GLIS3: variants seen among roughly 807,000 people sequenced by gnomAD.
GLIS3 encodes the protein GLIS family zinc finger 3, also known as zinc finger protein GLIS3.
Under a neutral mutation model 78.6 loss-of-function variants are expected in GLIS3, and 53 were observed. The ratio of observed to expected loss-of-function variants is 0.67; its 90% CI spans 0.54 to 0.85. The LOEUF (loss-of-function observed/expected upper bound fraction) is 0.85, where lower values mean the gene tolerates loss of function less well. Ranked by LOEUF, GLIS3 falls within the 40% of genes least tolerant of loss-of-function variation. The probability of loss-of-function intolerance (pLI) is 0.00; values close to 1 mark genes in which losing one functional copy is unlikely to be tolerated. For synonymous variants in GLIS3, 684 were observed against 509.9 expected, an observed-to-expected ratio of 1.34 and a Z score of -4.60; for missense variants, 1,703 against 1,231.1, an observed-to-expected ratio of 1.38 and a Z score of -5.74.
chr9:4,004,061 C>T (rs1326273469), intron 4 of GLIS3, among the ~76,000 whole-genome samples: 1 of 152,158 alleles, frequency 6.6e-6, no homozygotes, highest in East Asian at 1.9e-4. Context: ...GTGTTAGAAA[C>T]TGGGGCAAAG....
At chr9:4,354,539 G>A in the GLIS3 span, among the ~76,000 whole-genome samples, 2 of 152,226 alleles carry the variant, frequency 1.3e-5, no homozygotes, top group Non-Finnish European at 2.9e-5. Flanking sequence ...CAGAATCCAC[G>A]TGACCCATCT....
In GLIS3 at chr9:4,020,638, C is replaced by T. The variant is rs75427691; in HGVS notation, c.1711-83449G>A. On this transcript the variant is annotated intron_variant, in intron 4 of 10. Coordinates refer to ENST00000381971, the MANE Select transcript of GLIS3 (RefSeq NM_001042413.2). Reference sequence around the variant, plus strand: ...TCAGGCTTTTCACCTTTGTTCTAATCTTGAGATGTAACAGATTTTGCAGTA... The same window carrying T: ...TCAGGCTTTTCACCTTTGTTCTAATTTTGAGATGTAACAGATTTTGCAGTA... 3.2e-4 allele frequency among the ~76,000 whole-genome samples: 48 copies of T among 152,324 alleles called. No individual in the cohort carries two copies. The East Asian group carries it at 6.9e-3, about 22-fold the overall frequency.
intron 4 of GLIS3, among the ~76,000 whole-genome samples, chr9:4,066,051 A>AAAG (rs1233318469): frequency 4.0e-5 from 6 of 151,872 alleles, no homozygotes; most frequent in East Asian, 1.9e-4. Flanking sequence ...AAAAAAAAAA[A>AAAG]AAAGAAACAG....
At chr9:3,832,307 A>G (rs2129971971) in intron 9 of GLIS3, among the ~76,000 whole-genome samples, 1 of 152,126 alleles carries the variant, frequency 6.6e-6, no homozygotes, top group South Asian at 2.1e-4. Flanking sequence ...ATAAAAGTTT[A>G]TTGAGGAAAA....
intron 2 of GLIS3, among the ~76,000 whole-genome samples, chr9:4,201,005 T>C (rs529051332): frequency 6.6e-6 from 1 of 152,328 alleles, no homozygotes; most frequent in South Asian, 2.1e-4. Context: ...TTAGGCTTCA[T>C]TCCTGGGATG....
intron 2 of GLIS3, among the ~76,000 whole-genome samples, chr9:4,248,243 C>T (rs1161818116): frequency 1.3e-5 from 2 of 152,064 alleles, no homozygotes; most frequent in African/African-American, 4.8e-5. Context: ...CCCCCAGCCC[C>T]CCATCCCCCA....
intron 4 of GLIS3, among the ~76,000 whole-genome samples, chr9:4,112,475 T>C (rs1469040745): frequency 1.3e-5 from 2 of 152,202 alleles, no homozygotes. Context: ...ACTTTTATAA[T>C]ACTGTTCTCA....
intron 4 of GLIS3, among the ~76,000 whole-genome samples, chr9:4,049,933 A>G (rs1210975256): frequency 6.6e-6 from 1 of 152,228 alleles, no homozygotes; most frequent in African/African-American, 2.4e-5. Context: ...GTGATCATTA[A>G]AAAGTCAGAA....
At chr9:4,010,373 T>C (rs549729711) in intron 4 of GLIS3, among the ~76,000 whole-genome samples, 2 of 152,180 alleles carry the variant, frequency 1.3e-5, no homozygotes, top group Non-Finnish European at 2.9e-5. Flanking sequence ...ATTAATTTAT[T>C]TCCTACAGGC....
At chr9:4,317,079 G>C (rs1817447791) in intron 2 of GLIS3, among the ~76,000 whole-genome samples, 1 of 152,218 alleles carries the variant, frequency 6.6e-6, no homozygotes, top group Non-Finnish European at 1.5e-5. Flanking sequence ...AGGGCACTTA[G>C]AGTAAAGAAA....
chr9:4,189,435 ACGTGT>A (rs1476316665), intron 2 of GLIS3, among the ~76,000 whole-genome samples: 1 of 152,064 alleles, frequency 6.6e-6, no homozygotes, highest in African/African-American at 2.4e-5. Flanking sequence ...ATTTTGGAAT[ACGTGT>A]GGTGTGGTGC....
the GLIS3 span, among the ~76,000 whole-genome samples, chr9:4,482,344 G>A: frequency 1.1e-4 from 16 of 152,298 alleles, no homozygotes; most frequent in East Asian, 3.9e-4. Flanking sequence ...GAGAATTGTC[G>A]TGAAAGTTTA....
chr9:3,932,302 A>T, intron 6 of GLIS3, 58 bp downstream of exon 6: 9 of 1,312,662 alleles, frequency 6.9e-6, no homozygotes, highest in Non-Finnish European at 8.8e-6. Context: ...AGCTTCGTGT[A>T]CTACAAGAAT....
the GLIS3 span, among the ~76,000 whole-genome samples, chr9:4,412,398 A>C: frequency 2.0e-5 from 3 of 152,212 alleles, no homozygotes; most frequent in African/African-American, 7.2e-5. Context: ...AAAAGCATCC[A>C]AATCATTAAT....
At chr9:4,092,693 CATCTCCCATAAT>C (rs1474902089) in intron 4 of GLIS3, among the ~76,000 whole-genome samples, 2 of 152,156 alleles carry the variant, frequency 1.3e-5, no homozygotes, top group African/African-American at 4.8e-5. Flanking sequence ...CTGGAGCTGT[CATCTCCCATAAT>C]AACAATGCTT....
chr9:4,224,124 C>T (rs886889986), intron 2 of GLIS3, among the ~76,000 whole-genome samples: 4 of 152,170 alleles, frequency 2.6e-5, no homozygotes, highest in East Asian at 1.9e-4. Flanking sequence ...GGGCTCAGAG[C>T]AAACTGCGCA....
the GLIS3 span, among the ~76,000 whole-genome samples, chr9:4,422,983 A>T: frequency 6.6e-6 from 1 of 152,146 alleles, no homozygotes; most frequent in African/African-American, 2.4e-5. Flanking sequence ...ACATCACAGG[A>T]GTCAAAAGAG....
chr9:4,338,330 TATAG>T (rs912409786), intron 2 of GLIS3, among the ~76,000 whole-genome samples: 6 of 151,776 alleles, frequency 4.0e-5, no homozygotes, highest in African/African-American at 1.5e-4. Flanking sequence ...TATACGTATA[TATAG>T]AGAGATAGAT....
chr9:4,227,890 C>T (rs1045498026), intron 2 of GLIS3, among the ~76,000 whole-genome samples: 2 of 152,032 alleles, frequency 1.3e-5, no homozygotes, highest in East Asian at 1.9e-4. Context: ...TCCAGGGACC[C>T]GAGGGACACA....
Sources: gnomAD v4.1 joint callset for allele counts (sites outside exome capture counted in the v4.1 genomes callset) on GRCh38, gnomAD v4.1.1 for gene constraint, MANE v1.5 for transcripts, NCBI Gene and HGNC (gene_info 2026-07-23, HGNC 2026-07-21) for gene names.